The following RASGRP1 variants were observed in gnomAD, a reference collection of about 807,000 sequenced individuals.
RASGRP1 encodes the protein RAS guanyl-releasing protein 1.
A neutral mutation model predicts 95.1 loss-of-function variants in RASGRP1; 37 were observed. That is an observed-to-expected ratio of 0.39 (90% confidence interval 0.30 to 0.51). The LOEUF is 0.51. Ranked by LOEUF, RASGRP1 falls within the 20% of genes least tolerant of loss-of-function variation. RASGRP1 has a pLI of 0.80. For missense variants in RASGRP1, 711 were observed against 965.4 expected (o/e 0.74, Z 3.49); for synonymous variants, 325 against 353.4 (o/e 0.92, Z 0.90).
intron 1 of RASGRP1, among the ~76,000 whole-genome samples, chr15:38,561,646 C>T (rs549396786): frequency 1.3e-5 from 2 of 152,346 alleles, no homozygotes; most frequent in Admixed American, 6.5e-5. Flanking sequence ...CAGGGGCACC[C>T]TGGCCCTTCA....
intron 15 of RASGRP1, among the ~76,000 whole-genome samples, chr15:38,496,067 A>G (rs963007536): frequency 7.2e-5 from 11 of 152,314 alleles, no homozygotes; most frequent in African/African-American, 2.6e-4. Context: ...AACAGAAATT[A>G]GGAGAGGTAC....
chr15:38,509,991 A>C (rs1209341777), intron 8 of RASGRP1, among the ~76,000 whole-genome samples: 1 of 152,212 alleles, frequency 6.6e-6, no homozygotes, highest in Non-Finnish European at 1.5e-5. Flanking sequence ...TCTTCTTCAT[A>C]AACCTCTACC....
intron 15 of RASGRP1, 52 bp downstream of exon 15, chr15:38,498,742 T>G (rs1168930737): frequency 1.3e-6 from 2 of 1,585,966 alleles, no homozygotes; most frequent in Admixed American, 1.8e-5. Flanking sequence ...TCTCTAAAAC[T>G]TTTCCCTTCC....
intron 2 of RASGRP1, among the ~76,000 whole-genome samples, chr15:38,558,943 G>C (rs929685086): frequency 2.6e-5 from 4 of 152,058 alleles, no homozygotes; most frequent in Non-Finnish European, 4.4e-5. Context: ...GGGTAGGCTT[G>C]GGGGGGTTGG....
chr15:38,506,045 T>TA (rs1177765016), intron 9 of RASGRP1, 125 bp from the exon 10 acceptor site: 1 of 700,054 alleles, frequency 1.4e-6, no homozygotes, highest in Non-Finnish European at 2.4e-6. Flanking sequence ...AGTTTGTTTT[T>TA]AAAAGTCACA....
chr15:38,534,748 GTTC>G (rs1892576417), intron 2 of RASGRP1: 1 of 152,244 alleles, frequency 6.6e-6, no homozygotes, highest in Non-Finnish European at 1.5e-5. Flanking sequence ...AAGGTGATTT[GTTC>G]TAACCAAGCC....
At chr15:38,502,463 C>A (rs548115475) in intron 11 of RASGRP1, 42 bp from the exon 12 acceptor site, 3 of 1,240,212 alleles carry the variant, frequency 2.4e-6, no homozygotes, top group Non-Finnish European at 3.5e-6. Context: ...AAAGAGAAAC[C>A]GGTCTTCTCT....
chr15:38,494,173 G>A (rs1043398329), intron 16 of RASGRP1, among the ~76,000 whole-genome samples: 1 of 152,112 alleles, frequency 6.6e-6, no homozygotes, highest in Middle Eastern at 3.2e-3. Flanking sequence ...CCCCCAGTGG[G>A]TTGTGAGAAA....
chr15:38,509,005 C>T (rs1361837837), intron 8 of RASGRP1, among the ~76,000 whole-genome samples: 1 of 152,208 alleles, frequency 6.6e-6, no homozygotes, highest in East Asian at 1.9e-4. Flanking sequence ...GTTCATGTTT[C>T]CCACCCACAA....
At chr15:38,534,746 T>C in intron 2 of RASGRP1, 1 of 152,354 alleles carries the variant, frequency 6.6e-6, no homozygotes. Context: ...CAAAGGTGAT[T>C]TGTTCTAACC....
chr15:38,508,136 T>G, intron 8 of RASGRP1, 135 bp from the exon 9 acceptor site: 1 of 952,190 alleles, frequency 1.1e-6, no homozygotes, highest in Non-Finnish European at 1.5e-6. Flanking sequence ...GTAATTCATG[T>G]AAAAGGTACA....
intron 3 of RASGRP1, chr15:38,524,343 G>A (rs1892115434): frequency 6.6e-6 from 1 of 152,304 alleles, no homozygotes; most frequent in African/African-American, 2.4e-5. Flanking sequence ...ATCACCCACA[G>A]AAAGGAAGCT....
chr15:38,515,050 G>A (rs1446075082), intron 6 of RASGRP1, among the ~76,000 whole-genome samples: 3 of 152,188 alleles, frequency 2.0e-5, no homozygotes, highest in Non-Finnish European at 2.9e-5. Context: ...GAGCTTCCTG[G>A]CTGAGTGACC....
rs1231372563 is a variant in RASGRP1, at chr15:38,518,360, C to A, written c.453G>T (p.Glu151Asp). 1 of 1,609,578 alleles carries A rather than the reference C, an allele frequency of 6.2e-7. No individual in the cohort carries two copies. Among genetic ancestry groups the A allele is most frequent in the Admixed American group, 1.7e-5 (1 of 59,520 alleles). ...TAGCTTTCACCAGTTCCTGAAACTCCTCCATAGTGTCTGTCAAGCTGGCGT... is the reference window on the plus strand; with the variant it reads ...TAGCTTTCACCAGTTCCTGAAACTCATCCATAGTGTCTGTCAAGCTGGCGT... ...KMDASLTDTM[E>D]EFQELVKAKG... Residue 151 changes from glutamate to aspartate, a missense_variant, in exon 5 of 17, where the codon GAG (glutamate) becomes GAT (aspartate). Glu to Asp is a conservative substitution (Grantham distance 45). This residue lies in a region of RASGRP1 where 491 missense variants were observed against 676.6 expected (regional missense o/e 0.73). Coordinates refer to ENST00000310803, the MANE Select transcript of RASGRP1 (RefSeq NM_005739.4).
rs1374081990 is a variant in RASGRP1, at chr15:38,519,332, G to A, written c.366C>T (p.Cys122=). Residue 122 remains cysteine, a synonymous_variant, in exon 4 of 17, where the codon TGC becomes TGT. Coordinates refer to ENST00000310803, the MANE Select transcript of RASGRP1 (RefSeq NM_005739.4). ...DALAKNSPGL[C]LKICYFVRYW... ...ACCTTACAAAATAACAGATCTTCAG[G>A]CAAAGTCCTGGTGAATTCTTTGCCA... 2.6e-6 allele frequency: 4 copies of A among 1,529,772 alleles called. No homozygotes were observed. The highest frequency in any genetic ancestry group is 1.7e-5 in the Admixed American group (1 of 59,692). The allele number at this position is 1,529,772 out of a possible 1,614,324, so 94.8% of individuals were successfully genotyped here. A position where few individuals can be genotyped will look rare whatever the true frequency, so the allele number is the denominator to read the frequency against.
chr15:38,542,891 A>G (rs12916471), intron 2 of RASGRP1, among the ~76,000 whole-genome samples: 1 of 134,176 alleles, frequency 7.5e-6, no homozygotes, highest in Non-Finnish European at 1.6e-5. Context: ...ATACACATAT[A>G]TGTGTATATA....
chr15:38,501,234 G>A lies in RASGRP1; in HGVS notation c.1592C>T (p.Ser531Leu). The A allele has an allele frequency of 2.5e-6, 4 of 1,613,012 alleles. No homozygotes were observed. The highest frequency in any genetic ancestry group is 3.4e-6 in the Non-Finnish European group (4 of 1,179,204). ...EITAYFMRAS[S>L]IYSKLGLGFP... ...GCCCAGGCCCAGCTTGGAATAGATT[G>A]AGCTGGCTCTCATGAAGTAGGCTGT... Residue 531 changes from serine (S) to leucine (L), a missense_variant, in exon 13 of 17, where the codon TCA (serine) becomes TTA (leucine). Physicochemically the swap from Ser to Leu is moderately radical, Grantham distance 145. Around this residue, in one of 3 missense-constraint regions of RASGRP1, gnomAD observed 491 missense variants for 676.6 expected, o/e 0.73. Transcript: ENST00000310803.
In RASGRP1 at chr15:38,500,148, CAA is replaced by C. The variant is rs113177617; in HGVS notation, c.1684-11_1684-10del. On this transcript the variant is annotated splice_polypyrimidine_tract_variant and intron_variant, in intron 13 of 16. Transcript: ENST00000310803. The stretch of plus-strand genomic sequence containing the variant: ...TTGATCACTCCCCAGAGCTATGAAA[CAA>C]GAGACAGAATGCACCACATGTCATT... The C allele has an allele frequency of 5.5e-5, 89 of 1,612,896 alleles. No individual in the cohort carries two copies. Among genetic ancestry groups the C allele is most frequent in the African/African-American group, 1.6e-4 (12 of 74,916 alleles).
intron 1 of RASGRP1, 65 bp downstream of exon 1, chr15:38,564,529 G>A: frequency 1.5e-6 from 2 of 1,301,742 alleles, no homozygotes; most frequent in South Asian, 2.5e-5. Flanking sequence ...TGGGGCGACG[G>A]GCAGGGGCCT....
Sources: allele counts gnomAD v4.1 joint callset (sites outside exome capture counted in the v4.1 genomes callset), GRCh38; gene constraint gnomAD v4.1.1; regional missense constraint gnomAD v4.1.1; transcripts MANE v1.5; gene names NCBI Gene and HGNC (gene_info 2026-07-23, HGNC 2026-07-21).